MID1: variants seen among roughly 807,000 people sequenced by gnomAD.
The protein encoded by MID1 is E3 ubiquitin-protein ligase Midline-1.
Under a neutral mutation model 40.4 loss-of-function variants are expected in MID1, and 7 were observed. The observed-to-expected ratio is 0.17, with a 90% CI of 0.10 to 0.33. The LOEUF (loss-of-function observed/expected upper bound fraction) is 0.33. MID1 is among the 10% of genes least tolerant of loss of function. MID1 has a pLI of 1.00. For missense variants in MID1, 367 were observed against 558.5 expected, an observed-to-expected ratio of 0.66 and a Z score of 3.46; for synonymous variants, 229 against 221.2, an observed-to-expected ratio of 1.04 and a Z score of -0.31.
intron 5 of MID1, among the ~76,000 whole-genome samples, chrX:10,476,004 A>T (rs180914553): frequency 9.0e-6 from 1 of 111,693 alleles, no homozygotes; most frequent in East Asian, 2.8e-4. Flanking sequence ...ATCTGTGGGT[A>T]TATATCTATA....
At chrX:10,606,561 C>A (rs1935628870) in intron 1 of MID1, among the ~76,000 whole-genome samples, 1 of 111,525 alleles carries the variant, frequency 9.0e-6, no homozygotes, top group African/African-American at 3.3e-5. Flanking sequence ...CTATAAAATT[C>A]TCTATGCATA....
intron 1 of MID1, among the ~76,000 whole-genome samples, chrX:10,676,007 T>A (rs922803230): frequency 8.9e-6 from 1 of 112,090 alleles, no homozygotes; most frequent in Admixed American, 9.5e-5. Context: ...CTACTTGGAT[T>A]TTTAACAGTG....
chrX:10,586,924 G>C (rs1242626883), intron 1 of MID1, among the ~76,000 whole-genome samples: 2 of 112,653 alleles, frequency 1.8e-5, no homozygotes, highest in African/African-American at 6.5e-5. Flanking sequence ...GGGCTGACGT[G>C]AGTTTTTCTT....
intron 1 of MID1, among the ~76,000 whole-genome samples, chrX:10,792,265 A>C (rs751202453): frequency 5.4e-4 from 61 of 112,259 alleles, no homozygotes; most frequent in African/African-American, 1.9e-3. Flanking sequence ...TGTGGGCTGC[A>C]GTATGCCAGC....
chrX:10,590,322 G>C (rs1229277954), intron 1 of MID1, among the ~76,000 whole-genome samples: 1 of 110,993 alleles, frequency 9.0e-6, no homozygotes, highest in Non-Finnish European at 1.9e-5. Context: ...ATATGAGAGG[G>C]TCTGTCTCTC....
intron 3 of MID1, among the ~76,000 whole-genome samples, chrX:10,500,233 G>A (rs771881929): frequency 8.0e-5 from 9 of 112,119 alleles, no homozygotes; most frequent in Non-Finnish European, 1.5e-4. Context: ...GAATGGATAT[G>A]TTTGCTTTAC....
At chrX:10,490,988 G>A (rs924765892) in intron 4 of MID1, among the ~76,000 whole-genome samples, 1 of 111,643 alleles carries the variant, frequency 9.0e-6, no homozygotes, top group African/African-American at 3.3e-5. Flanking sequence ...CTGTATTTAT[G>A]GTATATTTGT....
Position 10,469,677 on chromosome X carries a change from A to G in MID1, c.1285+20T>C, listed in dbSNP as rs1395498379. On this transcript the variant is annotated intron_variant, in intron 7 of 9. Transcript: ENST00000317552. ...AGAAAGCCACCAAAGACAGAAATAA[A>G]TAGGCCATGAGATACTCACTAACGA... The G allele has an allele frequency of 2.5e-6, 3 of 1,211,781 alleles. No individual in the cohort carries two copies. Among genetic ancestry groups the G allele is most frequent in the Non-Finnish European group, 3.4e-6 (3 of 895,397 alleles).
intron 1 of MID1, among the ~76,000 whole-genome samples, chrX:10,647,985 C>T (rs1205478681): frequency 8.9e-6 from 1 of 112,136 alleles, no homozygotes; most frequent in East Asian, 2.8e-4. Flanking sequence ...TCTCCAGCCA[C>T]AGGCTCCAAC....
At chrX:10,543,838 GT>G (rs1467526515) in intron 2 of MID1, among the ~76,000 whole-genome samples, 2 of 108,434 alleles carry the variant, frequency 1.8e-5, no homozygotes, top group Non-Finnish European at 3.8e-5. Context: ...GCGAGACTCT[GT>G]TTTTTTAAAA....
rs1304263963 is a variant in MID1, at chrX:10,516,843, T to A, written c.756+6249A>T. ...ATTGCCCAGGCTGTTATTGAATCCT[T>A]GGGCTCAAGTAATCCTCCTGCCTTG... On this transcript the variant is annotated intron_variant, in intron 3 of 9. Coordinates refer to ENST00000317552, the MANE Select transcript of MID1 (RefSeq NM_000381.4). Among the ~76,000 whole-genome samples, 4 of 110,132 alleles carry A rather than the reference T, an allele frequency of 3.6e-5. No individual in the cohort carries two copies. In the East Asian group the frequency reaches 1.1e-3, roughly 32 times the overall value.
chrX:10,490,950 A>C (rs1441272604), intron 4 of MID1, among the ~76,000 whole-genome samples: 1 of 112,096 alleles, frequency 8.9e-6, no homozygotes, highest in Non-Finnish European at 1.9e-5. Flanking sequence ...ACATTTACAC[A>C]ATTTTCTTAT....
intron 1 of MID1, among the ~76,000 whole-genome samples, chrX:10,823,310 C>A (rs762244637): frequency 6.0e-4 from 66 of 110,823 alleles, no homozygotes; most frequent in African/African-American, 2.1e-3. Flanking sequence ...ACGACACACA[C>A]TGGGGCCTGT....
chrX:10,674,116 T>G (rs1030916629), intron 1 of MID1, among the ~76,000 whole-genome samples: 1 of 112,304 alleles, frequency 8.9e-6, no homozygotes, highest in African/African-American at 3.2e-5. Flanking sequence ...TGTTCTGTAT[T>G]TTCCCAATTT....
At position 10,567,116 on chromosome X, in the gene MID1, C is replaced by T; in HGVS notation, c.432G>A (p.Glu144=). The change falls in exon 2 of 10, where the codon GAG becomes GAA. Residue 144 remains glutamate, a synonymous_variant. Transcript: ENST00000317552. ...CVTCEVSYCD[E]CLKATHPNKK... ...TATTCGGGTGAGTGGCTTTCAGGCA[C>T]TCGTCACAGTAGGATACTTCACAAG... 3 of 1,211,652 alleles carry T rather than the reference C, an allele frequency of 2.5e-6. No homozygotes were observed. The African/African-American group carries it at 5.2e-5, about 21-fold the overall frequency.
chrX:10,556,440 A>G, intron 2 of MID1, among the ~76,000 whole-genome samples: 1 of 112,077 alleles, frequency 8.9e-6, no homozygotes, highest in Non-Finnish European at 1.9e-5. Context: ...AGCTTGGTTT[A>G]GAAAGGACAA....
intron 1 of MID1, among the ~76,000 whole-genome samples, chrX:10,826,316 T>A (rs1408108651): frequency 9.0e-6 from 1 of 111,613 alleles, no homozygotes; most frequent in Admixed American, 9.5e-5. Context: ...ACCACCACGA[T>A]ATTAGTACAA....
At chrX:10,804,154 T>C (rs1179837718) in intron 1 of MID1, among the ~76,000 whole-genome samples, 1 of 112,483 alleles carries the variant, frequency 8.9e-6, no homozygotes, top group African/African-American at 3.2e-5. Context: ...TTTCTCTGTT[T>C]ACATTATCCA....
intron 1 of MID1, among the ~76,000 whole-genome samples, chrX:10,831,836 T>C (rs2044255103): frequency 3.6e-5 from 4 of 112,183 alleles, no homozygotes; most frequent in African/African-American, 1.3e-4. Context: ...TATATTCCCT[T>C]GGCTGTTAGT....
Sources: gnomAD v4.1 joint callset for allele counts (sites outside exome capture counted in the v4.1 genomes callset) on GRCh38, gnomAD v4.1.1 for gene constraint, MANE v1.5 for transcripts, NCBI Gene and HGNC (gene_info 2026-07-23, HGNC 2026-07-21) for gene names.